Variants in SPOCK1 observed in about 807,000 individuals in gnomAD.
SPOCK1 encodes testican-1.
In SPOCK1, 23 loss-of-function variants were observed where a neutral mutation model predicts 55.3. The observed-to-expected ratio is 0.42, with a 90% CI of 0.30 to 0.59. The LOEUF (loss-of-function observed/expected upper bound fraction) is 0.59, where lower values mean the gene tolerates loss of function less well. SPOCK1 is among the 20% of genes least tolerant of loss of function. The pLI, the probability that SPOCK1 is intolerant of heterozygous loss-of-function variation, is 0.22. For missense variants in SPOCK1, 499 were observed against 552.5 expected, an observed-to-expected ratio of 0.90 and a Z score of 0.97; for synonymous variants, 226 against 221.0, an observed-to-expected ratio of 1.02 and a Z score of -0.20.
intron 5 of SPOCK1, among the ~76,000 whole-genome samples, chr5:137,104,550 TA>T (rs1053822615): frequency 6.6e-6 from 1 of 152,180 alleles, no homozygotes; most frequent in African/African-American, 2.4e-5. Context: ...TGTGGTCTGT[TA>T]GGAACCGGCC....
intron 2 of SPOCK1, among the ~76,000 whole-genome samples, chr5:137,303,350 G>C (rs1757640709): frequency 6.6e-6 from 1 of 151,960 alleles, no homozygotes; most frequent in Non-Finnish European, 1.5e-5. Context: ...TGGGAGGCAA[G>C]ATACTAGATG....
At chr5:137,434,732 A>C (rs1752823418) in intron 2 of SPOCK1, among the ~76,000 whole-genome samples, 1 of 150,562 alleles carries the variant, frequency 6.6e-6, no homozygotes, top group Admixed American at 6.6e-5. Context: ...CAATCTCCTG[A>C]CCTCGTGATC....
At chr5:137,293,851 C>T (rs1171845015) in intron 2 of SPOCK1, among the ~76,000 whole-genome samples, 3 of 152,038 alleles carry the variant, frequency 2.0e-5, no homozygotes, top group African/African-American at 7.2e-5. Context: ...CCCGTCTCTA[C>T]TAAAAATACA....
chr5:137,053,928 T>A (rs149868962), intron 6 of SPOCK1, among the ~76,000 whole-genome samples: 3 of 152,150 alleles, frequency 2.0e-5, no homozygotes, highest in South Asian at 2.1e-4. Flanking sequence ...AAAACCAGAA[T>A]CAAATGGCTA....
intron 4 of SPOCK1, among the ~76,000 whole-genome samples, chr5:137,115,532 C>T (rs906917420): frequency 6.6e-6 from 1 of 152,160 alleles, no homozygotes; most frequent in African/African-American, 2.4e-5. Context: ...ACCTGCAGAG[C>T]AGCAAGCTGG....
chr5:137,357,602 C>T (rs1431674871), intron 2 of SPOCK1, among the ~76,000 whole-genome samples: 1 of 152,152 alleles, frequency 6.6e-6, no homozygotes, highest in Non-Finnish European at 1.5e-5. Context: ...AGACATGTTA[C>T]ACCCACATGC....
intron 4 of SPOCK1, 42 bp from the exon 5 acceptor site, chr5:137,112,603 G>C (rs912594867): frequency 6.3e-7 from 1 of 1,596,948 alleles, no homozygotes; most frequent in Admixed American, 1.8e-5. Context: ...TGAAGCTCCA[G>C]ACCCTATGAG....
intron 3 of SPOCK1, among the ~76,000 whole-genome samples, chr5:137,212,322 C>CT (rs995587819): frequency 4.9e-4 from 74 of 150,598 alleles, no homozygotes; most frequent in African/African-American, 1.5e-3. Flanking sequence ...AAAAACAGGG[C>CT]TTTTTTTTTA....
rs10077050 is a variant in SPOCK1, at chr5:137,066,987, C to G, written c.589+728G>C. On this transcript the variant is annotated intron_variant, in intron 6 of 10. Transcript: ENST00000394945. The stretch of plus-strand genomic sequence containing the variant: ...ATACACACACACACACACACACACA[C>G]AGAGAGAGAGAGAGAGAGAGAGAAA... Among the ~76,000 whole-genome samples the G allele has an allele frequency of 2.4e-3, 338 of 139,660 alleles. 3 individuals carry two copies. Among genetic ancestry groups the G allele is most frequent in the African/African-American group, 6.0e-3 (230 of 38,170 alleles). 91.6% of individuals were successfully genotyped at this position (139,660 alleles called of 152,430 possible). A position where few individuals can be genotyped will look rare whatever the true frequency, so the allele number is the denominator to read the frequency against.
chr5:137,295,116 C>A (rs1757453289), intron 2 of SPOCK1, among the ~76,000 whole-genome samples: 1 of 152,214 alleles, frequency 6.6e-6, no homozygotes, highest in Non-Finnish European at 1.5e-5. Flanking sequence ...CAGCACTTGA[C>A]CCACGGGAGA....
intron 2 of SPOCK1, among the ~76,000 whole-genome samples, chr5:137,370,072 G>C (rs1003609778): frequency 3.3e-5 from 5 of 152,170 alleles, no homozygotes; most frequent in Non-Finnish European, 7.4e-5. Flanking sequence ...CTGGTAGCGA[G>C]TGATGCAAGG....
At chr5:137,034,040 C>T (rs1751833136) in intron 6 of SPOCK1, among the ~76,000 whole-genome samples, 1 of 152,214 alleles carries the variant, frequency 6.6e-6, no homozygotes, top group African/African-American at 2.4e-5. Context: ...TTACACTCTA[C>T]CTTGTAGCAC....
chr5:137,105,494 G>C (rs1010811512), intron 5 of SPOCK1, among the ~76,000 whole-genome samples: 1 of 152,142 alleles, frequency 6.6e-6, no homozygotes, highest in Non-Finnish European at 1.5e-5. Flanking sequence ...TGAGCTTAAA[G>C]CCATCTTGAG....
chr5:137,444,990 A>G (rs766350833), intron 2 of SPOCK1, among the ~76,000 whole-genome samples: 2 of 152,158 alleles, frequency 1.3e-5, no homozygotes, highest in African/African-American at 2.4e-5. Flanking sequence ...CCCTAGCTCA[A>G]TCAACTGTAG....
intron 3 of SPOCK1, among the ~76,000 whole-genome samples, chr5:137,226,496 C>G (rs995384954): frequency 6.6e-6 from 1 of 152,232 alleles, no homozygotes; most frequent in African/African-American, 2.4e-5. Flanking sequence ...GGAAGCCCCA[C>G]AGAGGCCACC....
chr5:137,202,186 T>C (rs1755438489), intron 3 of SPOCK1, among the ~76,000 whole-genome samples: 1 of 152,172 alleles, frequency 6.6e-6, no homozygotes. Flanking sequence ...CTCATGTAGC[T>C]GTAGCAAATC....
intron 3 of SPOCK1, among the ~76,000 whole-genome samples, chr5:137,155,940 G>T (rs1008035294): frequency 6.6e-6 from 1 of 152,214 alleles, no homozygotes; most frequent in Non-Finnish European, 1.5e-5. Flanking sequence ...TCAACATCTA[G>T]AATTTTCAAC....
At chr5:137,153,874 A>C (rs1267736714) in intron 3 of SPOCK1, among the ~76,000 whole-genome samples, 1 of 151,268 alleles carries the variant, frequency 6.6e-6, no homozygotes, top group Non-Finnish European at 1.5e-5. Context: ...ACAAAAAAAC[A>C]AAAAAAGAAG....
intron 2 of SPOCK1, among the ~76,000 whole-genome samples, chr5:137,310,014 A>G (rs1396965219): frequency 6.6e-6 from 1 of 152,136 alleles, no homozygotes; most frequent in African/African-American, 2.4e-5. Context: ...CTCTTTGTAC[A>G]ATAACCCCAG....
Sources: gnomAD v4.1 joint callset for allele counts (sites outside exome capture counted in the v4.1 genomes callset) on GRCh38, gnomAD v4.1.1 for gene constraint, MANE v1.5 for transcripts, NCBI Gene and HGNC (gene_info 2026-07-23, HGNC 2026-07-21) for gene names.